The following FOXO3 variants were observed in gnomAD, a reference collection of about 807,000 sequenced individuals.
FOXO3 encodes the protein forkhead box O3.
Under a neutral mutation model 41.9 loss-of-function variants are expected in FOXO3, and 4 were observed. That is an observed-to-expected ratio of 0.10 (90% CI 0.05 to 0.22). FOXO3 has a LOEUF of 0.22. Among genes scored for constraint, FOXO3 ranks in the 10% least tolerant of loss-of-function variants. The pLI, the probability that FOXO3 is intolerant of heterozygous loss-of-function variation, is 1.00. For missense variants in FOXO3, 534 were observed against 906.8 expected, an observed-to-expected ratio of 0.59 and a Z score of 5.28; for synonymous variants, 318 against 389.3, an observed-to-expected ratio of 0.82 and a Z score of 2.16.
intron 1 of FOXO3, among the ~76,000 whole-genome samples, chr6:108,587,682 A>G (rs557236594): frequency 1.8e-4 from 28 of 152,282 alleles, no homozygotes; most frequent in Middle Eastern, 3.4e-3. Context: ...TTAAAGTACA[A>G]TGTACTCTCC....
At chr6:108,584,182 G>T (rs1253684602) in intron 1 of FOXO3, among the ~76,000 whole-genome samples, 1 of 152,230 alleles carries the variant, frequency 6.6e-6, no homozygotes, top group Non-Finnish European at 1.5e-5. Context: ...CTGCAGTATA[G>T]TGGGTGATAG....
chr6:108,614,033 C>G (rs560057687), intron 1 of FOXO3, among the ~76,000 whole-genome samples: 5 of 152,166 alleles, frequency 3.3e-5, no homozygotes, highest in African/African-American at 9.6e-5. Context: ...GGATATTTTT[C>G]TATTACTGTT....
chr6:108,616,376 T>C (rs1459607903), intron 1 of FOXO3, among the ~76,000 whole-genome samples: 4 of 151,996 alleles, frequency 2.6e-5, no homozygotes, highest in Non-Finnish European at 5.9e-5. Flanking sequence ...TTAGCCAAGA[T>C]GGTCTCGATC....
At chr6:108,645,906 G>T (rs1402788245) in intron 1 of FOXO3, among the ~76,000 whole-genome samples, 1 of 152,162 alleles carries the variant, frequency 6.6e-6, no homozygotes, top group African/African-American at 2.4e-5. Context: ...ATGCAGGAGG[G>T]CATGTCAGTA....
intron 1 of FOXO3, among the ~76,000 whole-genome samples, chr6:108,633,963 C>T (rs921023302): frequency 9.2e-5 from 14 of 152,054 alleles, no homozygotes; most frequent in Admixed American, 7.9e-4. Flanking sequence ...TTTTGATTGC[C>T]GCCAAACCTC....
intron 1 of FOXO3, among the ~76,000 whole-genome samples, chr6:108,564,297 GT>G (rs968854392): frequency 6.6e-6 from 1 of 151,982 alleles, no homozygotes; most frequent in African/African-American, 2.4e-5. Context: ...ACCTTTTTTT[GT>G]GTGTGCTTGT....
At chr6:108,632,192 C>T (rs766337576) in intron 1 of FOXO3, among the ~76,000 whole-genome samples, 1 of 152,096 alleles carries the variant, frequency 6.6e-6, no homozygotes, top group Non-Finnish European at 1.5e-5. Flanking sequence ...GTTTTAGATG[C>T]GGTGCTAGGC....
intron 1 of FOXO3, among the ~76,000 whole-genome samples, chr6:108,626,032 C>T (rs917985428): frequency 1.4e-4 from 22 of 152,048 alleles, no homozygotes; most frequent in African/African-American, 3.4e-4. Context: ...TGAGGGTGAG[C>T]GGGGGAGCTT....
Position 108,684,413 on chromosome 6 carries a change from A to G in FOXO3, c.*4621A>G, listed in dbSNP as rs1770986371. On this transcript the variant is annotated 3_prime_UTR_variant, in exon 3 of 3. Transcript: ENST00000406360. ...TTATCTGTTTCAATTCCTTGCTCAT[A>G]TCCCATATAATCTAGAACTAAATAT... The G allele has an allele frequency of 6.6e-6, 1 of 152,202 alleles. No homozygotes were observed. The highest frequency in any genetic ancestry group is 1.5e-5 in the Non-Finnish European group (1 of 68,048). 9.4% of individuals were successfully genotyped at this position (152,202 alleles called of 1,614,324 possible).
intron 1 of FOXO3, among the ~76,000 whole-genome samples, chr6:108,619,183 CTG>C (rs1417177830): frequency 3.9e-5 from 6 of 152,156 alleles, no homozygotes; most frequent in African/African-American, 1.4e-4. Context: ...AAAGCAGAGA[CTG>C]TATAGGAAGA....
At position 108,561,739 on chromosome 6, in the gene FOXO3, G is replaced by A; in HGVS notation, c.531G>A (p.Arg177=). 6.2e-7 allele frequency: 1 copy of A among 1,609,244 alleles called. No homozygotes were observed. Among genetic ancestry groups the A allele is most frequent in the Non-Finnish European group, 8.5e-7 (1 of 1,178,166 alleles). The change falls in exon 1 of 3, where the codon CGG becomes CGA. Residue 177 remains arginine, a synonymous_variant. Transcript: ENST00000406360. The part of the protein sequence containing the change: ...TRAIESSPDK[R]LTLSQIYEWM... Reference sequence around the variant, plus strand: ...CCATCGAGAGCTCCCCGGACAAACGGCTCACTCTGTCCCAGATCTACGAGT... The same window carrying A: ...CCATCGAGAGCTCCCCGGACAAACGACTCACTCTGTCCCAGATCTACGAGT...
chr6:108,561,095 G>A lies in FOXO3; in HGVS notation c.-114G>A. On this transcript the variant is annotated 5_prime_UTR_variant, in exon 1 of 3. Transcript: ENST00000406360. The stretch of plus-strand genomic sequence containing the variant: ...TTTGGTGCTTCCCCAGGCGGCGGCG[G>A]CGGCGCCCGGGAGCCGGAGCCTTCG... 7.0e-7 allele frequency: 1 copy of A among 1,429,292 alleles called. No homozygotes were observed. The highest frequency in any genetic ancestry group is 9.1e-7 in the Non-Finnish European group (1 of 1,101,138). The allele number at this position is 1,429,292 out of a possible 1,614,324, so 88.5% of individuals were successfully genotyped here.
intron 2 of FOXO3, among the ~76,000 whole-genome samples, chr6:108,677,520 G>A (rs968098256): frequency 5.9e-5 from 9 of 152,142 alleles, no homozygotes; most frequent in African/African-American, 2.2e-4. Flanking sequence ...ATTATGCACT[G>A]GCTTCTGTGG....
In FOXO3 at chr6:108,684,101, T is replaced by C. The variant is rs1770974941; in HGVS notation, c.*4309T>C. 6.6e-6 allele frequency: 1 copy of C among 152,670 alleles called. No homozygotes were observed. Among genetic ancestry groups the C allele is most frequent in the African/African-American group, 2.4e-5 (1 of 41,468 alleles). The allele number at this position is 152,670 out of a possible 1,614,324, so 9.5% of individuals were successfully genotyped here. ...GATGAATGATTGGTCATGAGGCCTCTTGCCACACTCCAGAAATACGTGTGC... is the reference window on the plus strand; with the variant it reads ...GATGAATGATTGGTCATGAGGCCTCCTGCCACACTCCAGAAATACGTGTGC... On this transcript the variant is annotated 3_prime_UTR_variant, in exon 3 of 3. Coordinates refer to ENST00000406360, the MANE Select transcript of FOXO3 (RefSeq NM_001455.4).
chr6:108,605,022 T>TG (rs1431547575), intron 1 of FOXO3, among the ~76,000 whole-genome samples: 1 of 152,256 alleles, frequency 6.6e-6, no homozygotes, highest in Non-Finnish European at 1.5e-5. Flanking sequence ...TTTTTAAGCT[T>TG]AAGATGTTGC....
chr6:108,585,231 G>C (rs1209879998), intron 1 of FOXO3, among the ~76,000 whole-genome samples: 2 of 151,818 alleles, frequency 1.3e-5, no homozygotes, highest in African/African-American at 4.8e-5. Flanking sequence ...TTTTAGTAGA[G>C]ACGGGGTTTC....
intron 2 of FOXO3, among the ~76,000 whole-genome samples, chr6:108,665,552 G>A (rs993949906): frequency 1.3e-5 from 2 of 152,172 alleles, no homozygotes; most frequent in Non-Finnish European, 2.9e-5. Flanking sequence ...GCCAGGCACA[G>A]TGTCTCACGC....
At chr6:108,561,902 G>C (rs1157583375) in intron 1 of FOXO3, 73 bp downstream of exon 1, 5 of 1,475,544 alleles carry the variant, frequency 3.4e-6, no homozygotes, top group Non-Finnish European at 4.5e-6. Flanking sequence ...TCTCGGATTC[G>C]TCGGAGTGCG....
chr6:108,607,661 G>T (rs532551341), intron 1 of FOXO3, among the ~76,000 whole-genome samples: 18 of 152,280 alleles, frequency 1.2e-4, no homozygotes, highest in African/African-American at 4.1e-4. Context: ...GGGAGTCCCT[G>T]TATCCTAATT....
Sources: allele counts gnomAD v4.1 joint callset (sites outside exome capture counted in the v4.1 genomes callset), GRCh38; gene constraint gnomAD v4.1.1; transcripts MANE v1.5; gene names NCBI Gene and HGNC (gene_info 2026-07-23, HGNC 2026-07-21).